SHC3: variants seen among roughly 807,000 people sequenced by gnomAD.
SHC3 encodes the protein SHC-transforming protein 3.
In SHC3, 15 loss-of-function variants were observed where a neutral mutation model predicts 60.4. The ratio of observed to expected loss-of-function variants is 0.25; its 90% CI spans 0.17 to 0.38. SHC3 has a LOEUF of 0.38. Among genes scored for constraint, SHC3 ranks in the 10% least tolerant of loss-of-function variants. The pLI, the probability that SHC3 is intolerant of heterozygous loss-of-function variation, is 1.00. For synonymous variants in SHC3, 294 were observed against 325.9 expected, an observed-to-expected ratio of 0.90 and a Z score of 1.05; for missense variants, 677 against 786.1, an observed-to-expected ratio of 0.86 and a Z score of 1.66.
intron 6 of SHC3, among the ~76,000 whole-genome samples, chr9:89,056,555 C>T (rs1422102744): frequency 6.6e-6 from 1 of 152,204 alleles, no homozygotes; most frequent in Admixed American, 6.5e-5. Context: ...TTTGAGCTGC[C>T]ATGATGGGTG....
chr9:89,035,159 G>A (rs1401405179), intron 11 of SHC3, among the ~76,000 whole-genome samples: 1 of 152,140 alleles, frequency 6.6e-6, no homozygotes. Context: ...TGGCCCTCTG[G>A]TGTCCCACCT....
intron 2 of SHC3, among the ~76,000 whole-genome samples, chr9:89,097,613 A>G (rs1039977809): frequency 7.9e-5 from 12 of 152,176 alleles, no homozygotes; most frequent in Admixed American, 7.2e-4. Context: ...ATTTTTAGTC[A>G]TTCCCCTGGA....
intron 11 of SHC3, among the ~76,000 whole-genome samples, chr9:89,014,267 G>T (rs568805299): frequency 6.6e-6 from 1 of 152,270 alleles, no homozygotes; most frequent in East Asian, 1.9e-4. Flanking sequence ...TGAACACTCT[G>T]CCCTGCTTGC....
intron 2 of SHC3, among the ~76,000 whole-genome samples, chr9:89,080,080 A>G (rs1236990761): frequency 6.6e-6 from 1 of 152,208 alleles, no homozygotes; most frequent in African/African-American, 2.4e-5. Flanking sequence ...TAACTCCAAA[A>G]TCTAATTTTA....
chr9:89,009,583 C>T lies in SHC3; in HGVS notation c.*3864G>A, dbSNP rs1270949083. On this transcript the variant is annotated 3_prime_UTR_variant, in exon 12 of 12. Transcript: ENST00000375835. ...GCCCTCAAGCTGGGAACATGTATAG[C>T]CCTGCAGTGTAGAGCACGCCAAGGC... 1.3e-5 allele frequency: 2 copies of T among 152,244 alleles called. No homozygotes were observed. Among genetic ancestry groups the T allele is most frequent in the Non-Finnish European group, 2.9e-5 (2 of 68,068 alleles). The allele number at this position is 152,244 out of a possible 1,614,324, so 9.4% of individuals were successfully genotyped here.
chr9:89,008,075 T>A lies in SHC3; in HGVS notation c.*5372A>T, dbSNP rs1191944540. ...GTATATGCGTATATGTATATACATATGCAATTCACATTCACAAGTCCTGGT... is the reference window on the plus strand; with the variant it reads ...GTATATGCGTATATGTATATACATAAGCAATTCACATTCACAAGTCCTGGT... On this transcript the variant is annotated 3_prime_UTR_variant, in exon 12 of 12. Transcript: ENST00000375835. 6.6e-6 allele frequency: 1 copy of A among 152,238 alleles called. No individual in the cohort carries two copies. Among genetic ancestry groups the A allele is most frequent in the Non-Finnish European group, 1.5e-5 (1 of 68,036 alleles). The allele number at this position is 152,238 out of a possible 1,614,324, so 9.4% of individuals were successfully genotyped here.
chr9:89,148,934 A>G (rs1439001028), intron 1 of SHC3, among the ~76,000 whole-genome samples: 4 of 152,346 alleles, frequency 2.6e-5, no homozygotes, highest in Middle Eastern at 6.8e-3. Context: ...TTTTAGTAAG[A>G]AAAGAATAGA....
At chr9:89,160,904 C>T (rs1168533852) in intron 1 of SHC3, among the ~76,000 whole-genome samples, 1 of 152,164 alleles carries the variant, frequency 6.6e-6, no homozygotes, top group Non-Finnish European at 1.5e-5. Flanking sequence ...GAACAGAGTT[C>T]AAAATAAGCC....
chr9:89,023,804 T>C (rs1564079718), intron 11 of SHC3, among the ~76,000 whole-genome samples: 1 of 152,210 alleles, frequency 6.6e-6, no homozygotes, highest in African/African-American at 2.4e-5. Flanking sequence ...TGTGCTCTGT[T>C]TGCCTGACAA....
chr9:89,035,116 A>G (rs1331987711), intron 11 of SHC3, among the ~76,000 whole-genome samples: 1 of 152,168 alleles, frequency 6.6e-6, no homozygotes, highest in Admixed American at 6.5e-5. Context: ...GGGTTCCCAG[A>G]GCTCAGGGCC....
At chr9:89,069,270 C>T (rs956141467) in intron 5 of SHC3, among the ~76,000 whole-genome samples, 2 of 152,198 alleles carry the variant, frequency 1.3e-5, no homozygotes, top group Non-Finnish European at 2.9e-5. Flanking sequence ...GATGGCGCCA[C>T]TGCATTCCAG....
intron 2 of SHC3, chr9:89,109,456 G>T: frequency 4.1e-6 from 4 of 985,514 alleles, no homozygotes; most frequent in Non-Finnish European, 4.8e-6. Context: ...TGGAGTGAAA[G>T]GATTGTGTGG....
chr9:89,031,257 C>A (rs1236973076), intron 11 of SHC3, among the ~76,000 whole-genome samples: 1 of 152,146 alleles, frequency 6.6e-6, no homozygotes, highest in African/African-American at 2.4e-5. Flanking sequence ...ATCTAGACAC[C>A]ACATTCATTT....
chr9:89,070,739 G>C (rs865801721), intron 5 of SHC3, among the ~76,000 whole-genome samples: 3 of 152,056 alleles, frequency 2.0e-5, no homozygotes, highest in Non-Finnish European at 2.9e-5. Context: ...ACTATTAAAG[G>C]CTGCAGTATT....
chr9:89,052,704 AC>A (rs1160638342), intron 6 of SHC3, among the ~76,000 whole-genome samples: 2 of 152,224 alleles, frequency 1.3e-5, no homozygotes, highest in Non-Finnish European at 2.9e-5. Flanking sequence ...CAATAAGGAA[AC>A]CTTTGAAGAT....
chr9:89,159,549 C>T (rs1452496620), intron 1 of SHC3, among the ~76,000 whole-genome samples: 2 of 152,172 alleles, frequency 1.3e-5, no homozygotes, highest in Non-Finnish European at 2.9e-5. Flanking sequence ...AGTCAGCGTT[C>T]TCTAGAGGGA....
rs760822657 is a variant in SHC3, at chr9:89,013,471, C to T, written c.1761G>A (p.Gln587=). Residue 587 remains glutamine (Q), a synonymous_variant, in exon 12 of 12, where the codon CAG becomes CAA. Transcript: ENST00000375835. Reference sequence around the variant, plus strand: ...GTCACTGCTTCCTCTCCACTGGCTGCTGGAGACACAGCTCACTCCCTGCAG... The same window carrying T: ...GTCACTGCTTCCTCTCCACTGGCTGTTGGAGACACAGCTCACTCCCTGCAG... ...IVSAGSELCL[Q]QPVERKQ 1.9e-6 allele frequency: 3 copies of T among 1,612,954 alleles called. No individual in the cohort carries two copies. In the African/African-American group the frequency reaches 4.0e-5, roughly 22 times the overall value.
chr9:89,063,114 C>T (rs900225385), intron 6 of SHC3, among the ~76,000 whole-genome samples: 2 of 152,196 alleles, frequency 1.3e-5, no homozygotes, highest in African/African-American at 4.8e-5. Context: ...TTCCTTCCCC[C>T]TTGAGTCTGA....
intron 6 of SHC3, among the ~76,000 whole-genome samples, chr9:89,063,571 G>A (rs1190939063): frequency 6.6e-6 from 1 of 152,174 alleles, no homozygotes; most frequent in African/African-American, 2.4e-5. Flanking sequence ...GGGGCCACTT[G>A]GAGAGTCTCT....
Sources: allele counts gnomAD v4.1 joint callset (sites outside exome capture counted in the v4.1 genomes callset), GRCh38; gene constraint gnomAD v4.1.1; transcripts MANE v1.5; gene names NCBI Gene and HGNC (gene_info 2026-07-23, HGNC 2026-07-21).